C3orf38: variants seen among roughly 807,000 people sequenced by gnomAD.
The protein encoded by C3orf38 is chromosome 3 open reading frame 38, also known as uncharacterized protein C3orf38.
In C3orf38, 18 loss-of-function variants were observed where a neutral mutation model predicts 28.3. That is an observed-to-expected ratio of 0.64 (90% CI 0.44 to 0.94). The LOEUF is 0.94. C3orf38 is among the 40% of genes least tolerant of loss of function. The pLI is 0.00. For synonymous variants in C3orf38, 145 were observed against 138.1 expected, an observed-to-expected ratio of 1.05 and a Z score of -0.35; for missense variants, 364 against 396.4, an observed-to-expected ratio of 0.92 and a Z score of 0.69.
chr3:88,154,436 G>A (rs9865710), intron 2 of C3orf38, among the ~76,000 whole-genome samples: 118,537 of 151,294 alleles, frequency 0.78, 47,336 homozygotes, highest in South Asian at 0.91. Flanking sequence ...GACATTGGCT[G>A]TTTCTGTTCT....
At chr3:88,150,334 C>G in intron 1 of C3orf38, 149 bp downstream of exon 1, 3 of 880,652 alleles carry the variant, frequency 3.4e-6, no homozygotes, top group Non-Finnish European at 5.1e-6. Context: ...CGGGTCAAGG[C>G]GGGGAGGTGG....
intron 2 of C3orf38, among the ~76,000 whole-genome samples, chr3:88,154,905 C>G (rs1052401607): frequency 1.3e-5 from 2 of 151,280 alleles, no homozygotes; most frequent in Non-Finnish European, 2.9e-5. Flanking sequence ...GTCACCCAGG[C>G]TGGAGTACAG....
chr3:88,155,954 A>T, intron 2 of C3orf38, 67 bp from the exon 3 acceptor site: 16 of 1,275,566 alleles, frequency 1.3e-5, no homozygotes, highest in Non-Finnish European at 1.7e-5. Flanking sequence ...AATAGGCTAG[A>T]TAGAAAAATA....
At position 88,156,322 on chromosome 3, in the gene C3orf38, C is replaced by A. The variant is rs1259882762; in HGVS notation, c.677C>A (p.Ser226Tyr). The change falls in exon 3 of 3, where the codon TCT (serine) becomes TAT (tyrosine). Residue 226 changes from serine (S) to tyrosine (Y), a missense_variant. Coordinates refer to ENST00000318887, the MANE Select transcript of C3orf38 (RefSeq NM_173824.4). ...GATTCACATGGACTGAAATGTGCAT[C>A]TTCTCCTCATGGGCTGGTTATGGTT... ...NLDSHGLKCA[S>Y]SPHGLVMVGV... is the part of the protein sequence containing the mutation. The A allele has an allele frequency of 1.2e-6, 2 of 1,614,194 alleles. No individual in the cohort carries two copies. Among genetic ancestry groups the A allele is most frequent in the Admixed American group, 3.3e-5 (2 of 60,010 alleles).
rs747220013 is a variant in C3orf38, at chr3:88,150,042, C to A, written c.-11C>A. On this transcript the variant is annotated 5_prime_UTR_variant, in exon 1 of 3. Coordinates refer to ENST00000318887, the MANE Select transcript of C3orf38 (RefSeq NM_173824.4). ...CATTGTTGCCGTTGTCTTTCCCCCC[C>A]AGTCCCGGGGATGGAGATGTCGGGA... 8.7e-6 allele frequency: 14 copies of A among 1,613,926 alleles called. No individual in the cohort carries two copies. Among genetic ancestry groups the A allele is most frequent in the Middle Eastern group, 1.6e-4 (1 of 6,084 alleles).
chr3:88,151,940 A>G (rs1027050875), intron 1 of C3orf38, among the ~76,000 whole-genome samples: 1 of 152,198 alleles, frequency 6.6e-6, no homozygotes, highest in African/African-American at 2.4e-5. Flanking sequence ...AACATTTAGG[A>G]TAGTAGCTAC....
chr3:88,152,709 C>T (rs1160202237), intron 1 of C3orf38, among the ~76,000 whole-genome samples: 2 of 148,122 alleles, frequency 1.4e-5, no homozygotes, highest in African/African-American at 2.5e-5. Context: ...AATCCCAGAT[C>T]GCACCCCTGT....
In C3orf38 at chr3:88,153,251, C is replaced by T. The variant is rs372134206; in HGVS notation, c.155C>T (p.Ala52Val). The change falls in exon 2 of 3, where the codon GCA becomes GTA. Residue 52 changes from alanine to valine, a missense_variant. Transcript: ENST00000318887. Reference sequence around the variant, plus strand: ...CTAGATGCTGTTCATGCAATATTAGCATACAGTCAAAGTGCAGAAGAACTT... The same window carrying T: ...CTAGATGCTGTTCATGCAATATTAGTATACAGTCAAAGTGCAGAAGAACTT... ...DRQDAVHAIL[A>V]YSQSAEELLR... 50 of 1,612,696 alleles carry T rather than the reference C, an allele frequency of 3.1e-5. No homozygotes were observed. In the African/African-American group the frequency reaches 5.9e-4, roughly 19 times the overall value.
chr3:88,154,668 C>T (rs759893454), intron 2 of C3orf38, among the ~76,000 whole-genome samples: 9 of 152,098 alleles, frequency 5.9e-5, no homozygotes, highest in Non-Finnish European at 1.0e-4. Context: ...CATACAAATA[C>T]GACTTCAAAT....
intron 2 of C3orf38, among the ~76,000 whole-genome samples, chr3:88,155,049 G>A (rs554695932): frequency 2.3e-4 from 35 of 151,980 alleles, no homozygotes; most frequent in East Asian, 2.1e-3. Flanking sequence ...TAGTAGAGAC[G>A]GGGTTTCACC....
chr3:88,150,051 G>A lies in C3orf38; in HGVS notation c.-2G>A. The A allele has an allele frequency of 6.2e-7, 1 of 1,614,208 alleles. No individual in the cohort carries two copies. The highest frequency in any genetic ancestry group is 8.5e-7 in the Non-Finnish European group (1 of 1,180,030). On this transcript the variant is annotated 5_prime_UTR_variant, in exon 1 of 3. Transcript: ENST00000318887. ...CGTTGTCTTTCCCCCCCAGTCCCGG[G>A]GATGGAGATGTCGGGACTCAGCTTT... is the stretch of plus-strand genomic sequence containing the variant.
At position 88,153,486 on chromosome 3, in the gene C3orf38, A is replaced by G. The variant is rs1163033997; in HGVS notation, c.375+15A>G. On this transcript the variant is annotated intron_variant, in intron 2 of 2. Transcript: ENST00000318887. ...TATTTCAACAGGTAAAATAAATCTT[A>G]TGGTTGTATTCTGAACCTTTGTTCT... The G allele has an allele frequency of 6.2e-7, 1 of 1,613,174 alleles. No individual in the cohort carries two copies. The highest frequency in any genetic ancestry group is 1.3e-5 in the African/African-American group (1 of 74,954).
At chr3:88,155,979 AC>A (rs1489078437) in intron 2 of C3orf38, 41 bp from the exon 3 acceptor site, 16 of 1,434,988 alleles carry the variant, frequency 1.1e-5, no homozygotes, top group Non-Finnish European at 1.5e-5. Context: ...TGAAAGTTAA[AC>A]CTTAGTGTTA....
In C3orf38 at chr3:88,156,254, G is replaced by C. The variant is rs774507878; in HGVS notation, c.609G>C (p.Leu203=). The C allele has an allele frequency of 6.2e-7, 1 of 1,614,122 alleles. No individual in the cohort carries two copies. The highest frequency in any genetic ancestry group is 8.5e-7 in the Non-Finnish European group (1 of 1,180,032). Residue 203 remains leucine, a synonymous_variant, in exon 3 of 3, where the codon CTG becomes CTC. Coordinates refer to ENST00000318887, the MANE Select transcript of C3orf38 (RefSeq NM_173824.4). The part of the protein sequence containing the change: ...HGAEIVSLRL[L]SLVKEEFLFL... ...CAGAAATCGTGAGCCTTCGTTTGCT[G>C]TCACTAGTAAAAGAAGAATTTCTTT...
chr3:88,156,845 A>C lies in C3orf38; in HGVS notation c.*210A>C. Reference sequence around the variant, plus strand: ...CTACAGACTTACATATCATGTGAATACTTACCTATTTCTACCCGAGTTGCA... The same window carrying C: ...CTACAGACTTACATATCATGTGAATCCTTACCTATTTCTACCCGAGTTGCA... On this transcript the variant is annotated 3_prime_UTR_variant, in exon 3 of 3. Transcript: ENST00000318887. 1 of 510,082 alleles carries C rather than the reference A, an allele frequency of 2.0e-6. No individual in the cohort carries two copies. Among genetic ancestry groups the C allele is most frequent in the Non-Finnish European group, 3.4e-6 (1 of 297,572 alleles). 31.6% of individuals were successfully genotyped at this position (510,082 alleles called of 1,614,324 possible).
intron 2 of C3orf38, among the ~76,000 whole-genome samples, chr3:88,155,007 G>A (rs1252934494): frequency 1.3e-5 from 2 of 151,846 alleles, no homozygotes; most frequent in African/African-American, 4.8e-5. Context: ...TTACAGGCAT[G>A]CGCCACTACA....
chr3:88,155,178 G>GA (rs1323941180), intron 2 of C3orf38, among the ~76,000 whole-genome samples: 1 of 151,610 alleles, frequency 6.6e-6, no homozygotes, highest in African/African-American at 2.4e-5. Context: ...CATTTTCTGT[G>GA]AAAAAAGAGA....
At position 88,150,017 on chromosome 3, in the gene C3orf38, CATTGTTGCCG is replaced by C; in HGVS notation, c.-35_-26del. The C allele has an allele frequency of 6.3e-7, 1 of 1,597,064 alleles. No individual in the cohort carries two copies. The highest frequency in any genetic ancestry group is 2.3e-5 in the East Asian group (1 of 43,996). Reference sequence around the variant, plus strand: ...CGGGCCCAGTGGGCCGTAGGGGCGACATTGTTGCCGTTGTCTTTCCCCCCCAGTCCCGGGG... The same window carrying C: ...CGGGCCCAGTGGGCCGTAGGGGCGACTTGTCTTTCCCCCCCAGTCCCGGGG... On this transcript the variant is annotated 5_prime_UTR_variant, in exon 1 of 3. Coordinates refer to ENST00000318887, the MANE Select transcript of C3orf38 (RefSeq NM_173824.4).
intron 2 of C3orf38, among the ~76,000 whole-genome samples, chr3:88,154,701 G>A (rs185150712): frequency 1.1e-4 from 16 of 152,298 alleles, no homozygotes; most frequent in African/African-American, 3.1e-4. Context: ...TATACTAGGT[G>A]TGTTAAATTA....
Sources: gnomAD v4.1 joint callset for allele counts (sites outside exome capture counted in the v4.1 genomes callset) on GRCh38, gnomAD v4.1.1 for gene constraint, MANE v1.5 for transcripts, NCBI Gene and HGNC (gene_info 2026-07-23, HGNC 2026-07-21) for gene names.